Variants in SYN2 observed in about 807,000 individuals in gnomAD.
SYN2 encodes the protein synapsin II, also known as synapsin-2.
In SYN2, 19 loss-of-function variants were observed where a neutral mutation model predicts 50.9. The observed-to-expected ratio is 0.37, with a 90% CI of 0.26 to 0.55. SYN2 has a LOEUF of 0.55. SYN2 is among the 20% of genes least tolerant of loss of function. The pLI is 0.81. For missense variants in SYN2, 587 were observed against 576.4 expected, an observed-to-expected ratio of 1.02 and a Z score of -0.19; for synonymous variants, 255 against 224.9, an observed-to-expected ratio of 1.13 and a Z score of -1.20.
At chr3:12,150,518 G>T (rs1221992526) in intron 4 of SYN2, among the ~76,000 whole-genome samples, 1 of 151,970 alleles carries the variant, frequency 6.6e-6, no homozygotes, top group South Asian at 2.1e-4. Flanking sequence ...GGGAGCCCAG[G>T]TGTGCACTAA....
At chr3:12,023,933 G>A (rs1228592693) in intron 1 of SYN2, among the ~76,000 whole-genome samples, 1 of 152,000 alleles carries the variant, frequency 6.6e-6, no homozygotes, top group Non-Finnish European at 1.5e-5. Flanking sequence ...GAGCTTTGGG[G>A]ACCTTATGAC....
At chr3:12,175,604 A>G (rs568266978) in intron 10 of SYN2, among the ~76,000 whole-genome samples, 1 of 152,220 alleles carries the variant, frequency 6.6e-6, no homozygotes, top group Non-Finnish European at 1.5e-5. Context: ...CCACTTGTCT[A>G]CCCTTCTCTG....
intron 10 of SYN2, among the ~76,000 whole-genome samples, chr3:12,177,626 G>C (rs1415275423): frequency 6.6e-6 from 1 of 152,160 alleles, no homozygotes; most frequent in African/African-American, 2.4e-5. Flanking sequence ...CAGCAGGAAT[G>C]GCTTTAGCAA....
At chr3:12,158,685 G>A (rs371634274) in intron 5 of SYN2, 11 of 1,608,920 alleles carry the variant, frequency 6.8e-6, no homozygotes, top group Middle Eastern at 1.6e-4. Flanking sequence ...TGTGGACCTC[G>A]CGGACCTCGG....
At chr3:12,156,942 G>A (rs1424012626) in intron 5 of SYN2, 9 of 1,605,332 alleles carry the variant, frequency 5.6e-6, no homozygotes, top group Non-Finnish European at 6.8e-6. Flanking sequence ...CATCTGACAG[G>A]CAATTACAAA....
intron 1 of SYN2, among the ~76,000 whole-genome samples, chr3:12,138,474 A>G (rs1184580081): frequency 6.6e-6 from 1 of 152,210 alleles, no homozygotes; most frequent in African/African-American, 2.4e-5. Flanking sequence ...CCACAAAATA[A>G]ATGAGTGAAT....
chr3:12,162,217 C>T, intron 7 of SYN2, 63 bp downstream of exon 7: 2 of 1,574,786 alleles, frequency 1.3e-6, no homozygotes, highest in South Asian at 1.2e-5. Context: ...CTCCACATTG[C>T]AGCCAACTCT....
intron 4 of SYN2, among the ~76,000 whole-genome samples, chr3:12,146,533 A>G (rs1054905103): frequency 6.6e-6 from 1 of 152,196 alleles, no homozygotes; most frequent in Non-Finnish European, 1.5e-5. Context: ...TACAAGGAAG[A>G]TATCATTATT....
At chr3:12,072,742 C>A (rs2125169398) in intron 1 of SYN2, among the ~76,000 whole-genome samples, 1 of 152,254 alleles carries the variant, frequency 6.6e-6, no homozygotes. Context: ...TATCATGGGT[C>A]CATTATCTTT....
intron 1 of SYN2, among the ~76,000 whole-genome samples, chr3:12,078,537 C>T (rs1466612108): frequency 6.6e-6 from 1 of 152,148 alleles, no homozygotes; most frequent in Non-Finnish European, 1.5e-5. Context: ...GCTAGTTCTT[C>T]CAGCACCATT....
At chr3:12,114,678 C>G (rs1696391505) in intron 1 of SYN2, among the ~76,000 whole-genome samples, 1 of 151,996 alleles carries the variant, frequency 6.6e-6, no homozygotes, top group South Asian at 2.1e-4. Context: ...TCAACTTCAC[C>G]ATATGTTTGA....
intron 1 of SYN2, among the ~76,000 whole-genome samples, chr3:12,013,345 AATGTAG>A (rs1359685067): frequency 2.6e-5 from 4 of 152,052 alleles, no homozygotes; most frequent in African/African-American, 7.2e-5. Flanking sequence ...TACCTCATTA[AATGTAG>A]ATGTTCCTCC....
intron 1 of SYN2, among the ~76,000 whole-genome samples, chr3:12,055,675 T>G (rs2125158451): frequency 6.6e-6 from 1 of 152,334 alleles, no homozygotes; most frequent in African/African-American, 2.4e-5. Flanking sequence ...GCAGAAGTCT[T>G]TTACATATTT....
In SYN2 at chr3:12,132,019, CTTTTTCTTT is replaced by C. The variant is rs1225443944; in HGVS notation, c.378-8617_378-8609del. 7.3e-3 allele frequency among the ~76,000 whole-genome samples: 1,082 copies of C among 148,296 alleles called. 7 individuals are homozygous for C. Among genetic ancestry groups the C allele is most frequent in the African/African-American group, 0.025 (1,012 of 39,940 alleles). ...CTTTTTCTTTTTTTTCCTTTCTTTTCTTTTTCTTTTTTTTCTTTTTTTTTCTTTTTTTTT... is the reference window on the plus strand; with the variant it reads ...CTTTTTCTTTTTTTTCCTTTCTTTTCTTTTTCTTTTTTTTTCTTTTTTTTT... On this transcript the variant is annotated intron_variant, in intron 1 of 12. Transcript: ENST00000621198.
intron 1 of SYN2, among the ~76,000 whole-genome samples, chr3:12,130,686 AG>A (rs1160636893): frequency 1.3e-5 from 2 of 152,222 alleles, no homozygotes; most frequent in Non-Finnish European, 2.9e-5. Flanking sequence ...TAACTGTCAT[AG>A]ATGTGCTTTG....
intron 1 of SYN2, among the ~76,000 whole-genome samples, chr3:12,072,980 T>C (rs1695393551): frequency 6.6e-6 from 1 of 152,206 alleles, no homozygotes; most frequent in Non-Finnish European, 1.5e-5. Context: ...TGGGCCTCAC[T>C]GTCAGATGAT....
chr3:12,176,895 G>A (rs374812721), intron 10 of SYN2, among the ~76,000 whole-genome samples: 1 of 152,218 alleles, frequency 6.6e-6, no homozygotes, highest in Non-Finnish European at 1.5e-5. Flanking sequence ...ACTCAGAAAC[G>A]GCATGCGGCT....
intron 1 of SYN2, among the ~76,000 whole-genome samples, chr3:12,061,760 AC>A (rs760463774): frequency 2.6e-5 from 4 of 152,050 alleles, no homozygotes; most frequent in Non-Finnish European, 4.4e-5. Context: ...AATTAAAAAA[AC>A]ACTACCATTT....
intron 1 of SYN2, among the ~76,000 whole-genome samples, chr3:12,008,888 A>G (rs1693856708): frequency 6.6e-6 from 1 of 152,206 alleles, no homozygotes; most frequent in Admixed American, 6.5e-5. Flanking sequence ...TGCAGAAAAG[A>G]GGGGGACAAC....
Sources: gnomAD v4.1 joint callset for allele counts (sites outside exome capture counted in the v4.1 genomes callset) on GRCh38, gnomAD v4.1.1 for gene constraint, MANE v1.5 for transcripts, NCBI Gene and HGNC (gene_info 2026-07-23, HGNC 2026-07-21) for gene names.